The following BAZ2B variants were observed in gnomAD, a reference collection of about 807,000 sequenced individuals.
BAZ2B encodes bromodomain adjacent to zinc finger domain protein 2B.
In BAZ2B, 91 loss-of-function variants were observed where a neutral mutation model predicts 246.0. The observed-to-expected ratio is 0.37, with a 90% CI of 0.31 to 0.44. The LOEUF (loss-of-function observed/expected upper bound fraction) is 0.44, where lower values mean the gene tolerates loss of function less well. Ranked by LOEUF, BAZ2B falls within the 20% of genes least tolerant of loss-of-function variation. The pLI is 1.00. For synonymous variants in BAZ2B, 855 were observed against 860.0 expected (o/e 0.99, Z 0.10); for missense variants, 2,332 against 2,533.7 (o/e 0.92, Z 1.71).
At position 159,347,553 on chromosome 2, in the gene BAZ2B, T is replaced by A. The variant is rs1300383075; in HGVS notation, c.5387A>T (p.Asp1796Val). The change falls in exon 31 of 37, where the codon GAT becomes GTT. Residue 1796 changes from aspartate to valine, a missense_variant. By Grantham distance (152) the Asp-to-Val change is radical. This residue lies in a region of BAZ2B where 676 missense variants were observed against 668.6 expected (regional missense o/e 1.01). Coordinates refer to ENST00000392783, the MANE Select transcript of BAZ2B (RefSeq NM_013450.4). ...TTCTACCTGTTGAAGGACACTCAAA[T>A]CCATTTCCATTGCTTGTTCTTCTAC... Reference protein sequence around the residue: ...WSVEEQAMEMDLSVLQQVEDL... With the variant: ...WSVEEQAMEMVLSVLQQVEDL... The A allele has an allele frequency of 6.2e-7, 1 of 1,613,874 alleles. No homozygotes were observed. Among genetic ancestry groups the A allele is most frequent in the East Asian group, 2.2e-5 (1 of 44,828 alleles).
the BAZ2B span, among the ~76,000 whole-genome samples, chr2:159,634,218 G>A: frequency 6.6e-6 from 1 of 152,158 alleles, no homozygotes; most frequent in South Asian, 2.1e-4. Context: ...ACGTAATGGT[G>A]ATCTTTCTTG....
the BAZ2B span, among the ~76,000 whole-genome samples, chr2:159,660,742 C>T: frequency 1.1e-4 from 17 of 151,982 alleles, no homozygotes; most frequent in Admixed American, 2.0e-4. Flanking sequence ...TGGGATTAGT[C>T]GTGCACCTCC....
At chr2:159,706,084 A>ACACACACACACAC in the BAZ2B span, among the ~76,000 whole-genome samples, 1 of 149,660 alleles carries the variant, frequency 6.7e-6, no homozygotes. Context: ...AAACATATAT[A>ACACACACACACAC]ACACACACAC....
intron 2 of BAZ2B, among the ~76,000 whole-genome samples, chr2:159,510,156 G>A (rs981584588): frequency 1.3e-5 from 2 of 151,956 alleles, no homozygotes; most frequent in African/African-American, 4.8e-5. Context: ...GGGATGGTGA[G>A]GGAAATGGGA....
the BAZ2B span, among the ~76,000 whole-genome samples, chr2:159,674,810 T>C: frequency 6.6e-5 from 10 of 151,550 alleles, no homozygotes; most frequent in African/African-American, 2.2e-4. Context: ...CATAGCCATA[T>C]AGAACAAGGA....
rs781523653 is a variant in BAZ2B at position 159,431,107 on chromosome 2, ATCT to A, written c.1947_1949del (p.Glu649del). 55 of 1,612,326 alleles carry A rather than the reference ATCT, an allele frequency of 3.4e-5. No individual in the cohort carries two copies. Among genetic ancestry groups the A allele is most frequent in the East Asian group, 4.5e-5 (2 of 44,884 alleles). ...ATTCATCTTGGTCTTTATCATCATCATCTTCTTCTTCTGATCCTTCTGTATCTG... is the reference window on the plus strand; with the variant it reads ...ATTCATCTTGGTCTTTATCATCATCATCTTCTTCTGATCCTTCTGTATCTG... On this transcript the variant is annotated inframe_deletion, in exon 10 of 37. Transcript: ENST00000392783.
the BAZ2B span, among the ~76,000 whole-genome samples, chr2:159,676,050 C>T: frequency 1.1e-4 from 16 of 152,286 alleles, no homozygotes; most frequent in South Asian, 1.0e-3. Flanking sequence ...CACCTACCAC[C>T]GCACCCGGCT....
chr2:159,656,999 C>A, the BAZ2B span, among the ~76,000 whole-genome samples: 3 of 152,022 alleles, frequency 2.0e-5, no homozygotes, highest in Admixed American at 6.6e-5. Flanking sequence ...TCTTGTACAA[C>A]TTACCAATTT....
At chr2:159,484,473 T>C (rs575519134) in intron 2 of BAZ2B, among the ~76,000 whole-genome samples, 3 of 152,324 alleles carry the variant, frequency 2.0e-5, no homozygotes, top group Admixed American at 6.5e-5. Flanking sequence ...CTGGGTAACA[T>C]ACATTTGCTG....
the BAZ2B span, among the ~76,000 whole-genome samples, chr2:159,650,399 GACC>G: frequency 6.6e-6 from 1 of 152,038 alleles, no homozygotes; most frequent in Non-Finnish European, 1.5e-5. Context: ...AGAACCACAG[GACC>G]ATTTAAGTTT....
At chr2:159,651,417 G>A in the BAZ2B span, among the ~76,000 whole-genome samples, 1 of 152,098 alleles carries the variant, frequency 6.6e-6, no homozygotes, top group African/African-American at 2.4e-5. Flanking sequence ...CTTAGTGTTA[G>A]TGAAAAAACC....
chr2:159,432,881 T>G lies in BAZ2B; in HGVS notation c.1776A>C (p.Arg592Ser). The G allele has an allele frequency of 6.2e-7, 1 of 1,614,200 alleles. No individual in the cohort carries two copies. Among genetic ancestry groups the G allele is most frequent in the Non-Finnish European group, 8.5e-7 (1 of 1,180,034 alleles). The part of the protein sequence containing the change: ...HPAKSLVEQF[R>S]GTDSDIPSSK... ...TACTGGGAATGTCTGAATCTGTTCC[T>G]CTGAATTGTTCCACTAAAGATTTTG... The change falls in exon 9 of 37, where the codon AGA becomes AGC. Residue 592 changes from arginine (R) to serine (S), a missense_variant. This residue lies in a region of BAZ2B where 651 missense variants were observed against 650.9 expected (regional missense o/e 1.00). Transcript: ENST00000392783.
Position 159,349,888 on chromosome 2 carries a change from A to G in BAZ2B, c.4683T>C (p.Ser1561=). Residue 1561 remains serine (S), a synonymous_variant, in exon 28 of 37, where the codon AGT becomes AGC. Coordinates refer to ENST00000392783, the MANE Select transcript of BAZ2B (RefSeq NM_013450.4). ...CATCACAGGGTGTTCGTGGCAAAAG[A>G]CTAAACCATTGTCTATTCTTTTCAG... is the stretch of plus-strand genomic sequence containing the variant. The part of the protein sequence containing the change: ...TLTEKNRQWF[S]LLPRTPCDDT... 1.2e-6 allele frequency: 2 copies of G among 1,614,190 alleles called. No individual in the cohort carries two copies. The highest frequency in any genetic ancestry group is 1.7e-6 in the Non-Finnish European group (2 of 1,180,024).
intron 1 of BAZ2B, among the ~76,000 whole-genome samples, chr2:159,604,834 T>C (rs894560343): frequency 1.4e-4 from 22 of 152,100 alleles, no homozygotes; most frequent in African/African-American, 4.6e-4. Context: ...ATTAAAAATA[T>C]GAGAAATAAC....
rs781535005 is a variant in BAZ2B at position 159,412,418 on chromosome 2, C to T, written c.2594G>A (p.Arg865Gln). ...RAREESRMRR[R>Q]KGRPPNVGNA... Reference sequence around the variant, plus strand: ...GCCAACATTTGGAGGTCGACCTTTCCGACGTCTCATCCTGGATTCCTCTCT... The same window carrying T: ...GCCAACATTTGGAGGTCGACCTTTCTGACGTCTCATCCTGGATTCCTCTCT... Residue 865 changes from arginine (R) to glutamine (Q), a missense_variant, in exon 14 of 37, where the codon CGG (arginine) becomes CAG (glutamine). By Grantham distance (43) the Arg-to-Gln change is conservative. This residue lies in a region of BAZ2B where 651 missense variants were observed against 650.9 expected (regional missense o/e 1.00). Coordinates refer to ENST00000392783, the MANE Select transcript of BAZ2B (RefSeq NM_013450.4). The T allele has an allele frequency of 6.8e-6, 11 of 1,613,944 alleles. No homozygotes were observed. In the East Asian group the frequency reaches 8.9e-5, roughly 13 times the overall value.
intron 13 of BAZ2B, among the ~76,000 whole-genome samples, chr2:159,422,746 T>C (rs973904555): frequency 2.6e-5 from 4 of 152,122 alleles, no homozygotes; most frequent in Admixed American, 6.6e-5. Context: ...CTAGAGCTTC[T>C]GTACAGCAAA....
chr2:159,700,300 A>C, the BAZ2B span, among the ~76,000 whole-genome samples: 2 of 152,230 alleles, frequency 1.3e-5, no homozygotes, highest in African/African-American at 2.4e-5. Context: ...AAAAAGGTGT[A>C]CTATTTGCAT....
At chr2:159,382,490 T>A (rs1209371564) in intron 25 of BAZ2B, 69 bp downstream of exon 25, 1 of 1,458,172 alleles carries the variant, frequency 6.9e-7, no homozygotes, top group Non-Finnish European at 9.1e-7. Flanking sequence ...TCCATCTGAC[T>A]CCAAATTCTG....
chr2:159,474,664 C>T (rs746682635), intron 3 of BAZ2B, among the ~76,000 whole-genome samples: 1 of 152,128 alleles, frequency 6.6e-6, no homozygotes, highest in Non-Finnish European at 1.5e-5. Context: ...ATGGTCTTTA[C>T]AATTTGGTGT....
Sources: allele counts gnomAD v4.1 joint callset (sites outside exome capture counted in the v4.1 genomes callset), GRCh38; gene constraint gnomAD v4.1.1; regional missense constraint gnomAD v4.1.1; transcripts MANE v1.5; gene names NCBI Gene and HGNC (gene_info 2026-07-23, HGNC 2026-07-21).